The following GRB10 variants were observed in gnomAD, a reference collection of about 807,000 sequenced individuals.
GRB10 encodes the protein growth factor receptor bound protein 10.
GRB10 carries 20 observed loss-of-function variants against 80.9 expected under a neutral mutation model. The observed-to-expected ratio is 0.25, with a 90% CI of 0.17 to 0.36. The LOEUF (loss-of-function observed/expected upper bound fraction) is 0.36. Among genes scored for constraint, GRB10 ranks in the 10% least tolerant of loss-of-function variants. GRB10 has a pLI of 1.00. For synonymous variants in GRB10, 291 were observed against 291.5 expected (o/e 1.00, Z 0.02); for missense variants, 548 against 747.7 (o/e 0.73, Z 3.12).
intron 5 of GRB10, among the ~76,000 whole-genome samples, chr7:50,703,060 G>T (rs963199254): frequency 2.0e-5 from 3 of 152,194 alleles, no homozygotes; most frequent in African/African-American, 7.2e-5. Flanking sequence ...AATTATGCTT[G>T]CCACAGAAAA....
chr7:50,662,037 A>G (rs1270746522), intron 7 of GRB10, among the ~76,000 whole-genome samples: 11 of 152,234 alleles, frequency 7.2e-5, no homozygotes, highest in Non-Finnish European at 1.5e-4. Context: ...GGTGAAGCAC[A>G]GTGTCCCACG....
chr7:50,648,346 T>C (rs540553951), intron 7 of GRB10, among the ~76,000 whole-genome samples: 16 of 152,230 alleles, frequency 1.1e-4, no homozygotes, highest in Non-Finnish European at 1.6e-4. Context: ...GATGCCACCC[T>C]GATGGGAACA....
chr7:50,717,435 AT>A (rs2153682128), intron 4 of GRB10, among the ~76,000 whole-genome samples: 1 of 120,382 alleles, frequency 8.3e-6, no homozygotes, highest in African/African-American at 3.2e-5. Flanking sequence ...ACTCACTCAC[AT>A]GAGAAGCTTG....
chr7:50,731,217 C>T (rs527360333), intron 4 of GRB10, among the ~76,000 whole-genome samples: 33 of 151,974 alleles, frequency 2.2e-4, no homozygotes, highest in African/African-American at 6.3e-4. Context: ...GGCTTGTAAC[C>T]AATTTTGGCT....
intron 3 of GRB10, among the ~76,000 whole-genome samples, chr7:50,749,105 T>A (rs1005069389): frequency 7.1e-6 from 1 of 140,390 alleles, no homozygotes; most frequent in Non-Finnish European, 1.6e-5. Flanking sequence ...AAATGTTGGG[T>A]TTTTTTGTTT....
At chr7:50,643,403 A>T (rs2056642774) in intron 7 of GRB10, among the ~76,000 whole-genome samples, 2 of 152,218 alleles carry the variant, frequency 1.3e-5, no homozygotes, top group African/African-American at 2.4e-5. Flanking sequence ...AGGAAACACC[A>T]CACAAACCAA....
intron 3 of GRB10, among the ~76,000 whole-genome samples, chr7:50,749,130 G>GTTTTTTTTTTTTTT (rs71018483): frequency 1.4e-5 from 2 of 139,556 alleles, no homozygotes; most frequent in East Asian, 2.1e-4. Flanking sequence ...TTGTTTTTTT[G>GTTTTTTTTTTTTTT]TTTGTTTTTT....
chr7:50,710,668 G>A (rs2065752236), intron 4 of GRB10, among the ~76,000 whole-genome samples: 1 of 152,128 alleles, frequency 6.6e-6, no homozygotes, highest in Non-Finnish European at 1.5e-5. Context: ...ACAGCAGGCT[G>A]GACACTGGCT....
intron 4 of GRB10, among the ~76,000 whole-genome samples, chr7:50,728,270 A>T (rs79273834): frequency 0.042 from 6,323 of 151,996 alleles, 459 homozygotes; most frequent in African/African-American, 0.15. Context: ...CTTTCACTAA[A>T]AATAATAATA....
rs2075023442 is a variant in GRB10 at position 50,755,991 on chromosome 7, A to G, written c.-151T>C. 2 of 398,738 alleles carry G rather than the reference A, an allele frequency of 5.0e-6. No homozygotes were observed. Among genetic ancestry groups the G allele is most frequent in the South Asian group, 2.5e-4 (2 of 7,868 alleles). The allele number at this position is 398,738 out of a possible 1,614,324, so 24.7% of individuals were successfully genotyped here. A position where few individuals can be genotyped will look rare whatever the true frequency, so the allele number is the denominator to read the frequency against. Reference sequence around the variant, plus strand: ...GCTGCCGGTCACTGGGCTGCTGGTCACTGAGCTACCAGTCACTGGGCCTGC... The same window carrying G: ...GCTGCCGGTCACTGGGCTGCTGGTCGCTGAGCTACCAGTCACTGGGCCTGC... On this transcript the variant is annotated 5_prime_UTR_variant, in exon 3 of 19. Coordinates refer to ENST00000401949, the MANE Select transcript of GRB10 (RefSeq NM_001350814.2).
At chr7:50,771,721 G>A (rs1032826551) in intron 2 of GRB10, among the ~76,000 whole-genome samples, 2 of 152,184 alleles carry the variant, frequency 1.3e-5, no homozygotes, top group Admixed American at 1.3e-4. Flanking sequence ...CCGCAGCCCA[G>A]TAGGAATGAA....
chr7:50,666,430 T>C (rs1053993675), intron 7 of GRB10, among the ~76,000 whole-genome samples: 8 of 152,130 alleles, frequency 5.3e-5, no homozygotes, highest in Non-Finnish European at 1.2e-4. Flanking sequence ...TGCAGAATTT[T>C]CCCTCCCCTC....
intron 11 of GRB10, among the ~76,000 whole-genome samples, chr7:50,615,750 C>T (rs549835546): frequency 6.6e-6 from 1 of 152,326 alleles, no homozygotes; most frequent in Non-Finnish European, 1.5e-5. Context: ...TTTTGAGGGC[C>T]TGCAGCTGTT....
chr7:50,678,615 CAGGGGTTTTA>C (rs1311560423), intron 5 of GRB10, among the ~76,000 whole-genome samples: 2 of 152,140 alleles, frequency 1.3e-5, no homozygotes, highest in Non-Finnish European at 2.9e-5. Context: ...ATCTTCCAAA[CAGGGGTTTTA>C]AAGGTTTGAT....
chr7:50,760,490 ATC>A (rs1242571023), intron 2 of GRB10, among the ~76,000 whole-genome samples: 1 of 152,266 alleles, frequency 6.6e-6, no homozygotes, highest in Non-Finnish European at 1.5e-5. Context: ...TGTAGTATGT[ATC>A]TATCTAAATT....
At chr7:50,733,317 C>T (rs2070215337) in intron 3 of GRB10, among the ~76,000 whole-genome samples, 1 of 152,172 alleles carries the variant, frequency 6.6e-6, no homozygotes, top group African/African-American at 2.4e-5. Context: ...AAATGGATTT[C>T]TGCTATTTAA....
At position 50,619,254 on chromosome 7, in the gene GRB10, G is replaced by A. The variant is rs776707781; in HGVS notation, c.693C>T (p.Val231=). The change falls in exon 9 of 19, where the codon GTC becomes GTT. Residue 231 remains valine, a synonymous_variant. Coordinates refer to ENST00000401949, the MANE Select transcript of GRB10 (RefSeq NM_001350814.2). ...CACTGGCCATGGTACTCTCCACCTG[G>A]ACCACCAGCTCATGGTCTTCCAAGC... The part of the protein sequence containing the change: ...ERCLEDHELV[V]QVESTMASES... 1.2e-6 allele frequency: 2 copies of A among 1,612,734 alleles called. No homozygotes were observed. The highest frequency in any genetic ancestry group is 1.7e-6 in the Non-Finnish European group (2 of 1,179,338).
At chr7:50,622,253 AC>A (rs2051912537) in intron 8 of GRB10, among the ~76,000 whole-genome samples, 1 of 152,302 alleles carries the variant, frequency 6.6e-6, no homozygotes, top group East Asian at 1.9e-4. Flanking sequence ...GTTGCTTTTC[AC>A]ATACAAAAGG....
chr7:50,599,932 T>G (rs774936007), intron 17 of GRB10, among the ~76,000 whole-genome samples: 4 of 152,146 alleles, frequency 2.6e-5, no homozygotes, highest in Non-Finnish European at 4.4e-5. Flanking sequence ...AACATATGAC[T>G]GCCACACCCG....
Sources: gnomAD v4.1 joint callset for allele counts (sites outside exome capture counted in the v4.1 genomes callset) on GRCh38, gnomAD v4.1.1 for gene constraint, MANE v1.5 for transcripts, NCBI Gene and HGNC (gene_info 2026-07-23, HGNC 2026-07-21) for gene names.